Variants in RBBP8 observed in about 807,000 individuals in gnomAD.
RBBP8 encodes the protein RB binding protein 8, endonuclease.
In RBBP8, 88 loss-of-function variants were observed where a neutral mutation model predicts 108.3. The ratio of observed to expected loss-of-function variants is 0.81; its 90% CI spans 0.68 to 0.97. The LOEUF (loss-of-function observed/expected upper bound fraction) is 0.97. Ranked by LOEUF, RBBP8 falls within the 50% of genes least tolerant of loss-of-function variation. The pLI is 0.00. For missense variants in RBBP8, 1,023 were observed against 1,049.0 expected (o/e 0.98, Z 0.34); for synonymous variants, 332 against 348.2 (o/e 0.95, Z 0.52).
intron 1 of RBBP8, among the ~76,000 whole-genome samples, chr18:22,915,079 T>A (rs1183978249): frequency 6.6e-6 from 1 of 152,186 alleles, no homozygotes; most frequent in Non-Finnish European, 1.5e-5. Flanking sequence ...ATCCTACCCC[T>A]TTATTTACTG....
intron 15 of RBBP8, among the ~76,000 whole-genome samples, chr18:23,005,830 T>C (rs1598735621): frequency 6.6e-6 from 1 of 152,304 alleles, no homozygotes; most frequent in East Asian, 1.9e-4. Flanking sequence ...TTTAGCTGTC[T>C]AGTAATTTTG....
intron 16 of RBBP8, 47 bp from the exon 17 acceptor site, chr18:23,016,781 C>G: frequency 7.6e-7 from 1 of 1,311,090 alleles, no homozygotes; most frequent in Non-Finnish European, 1.1e-6. Flanking sequence ...GGGATTATTT[C>G]TCCTCTGAAC....
intron 15 of RBBP8, among the ~76,000 whole-genome samples, chr18:23,003,039 T>C (rs2045973937): frequency 6.6e-6 from 1 of 152,240 alleles, no homozygotes; most frequent in Non-Finnish European, 1.5e-5. Flanking sequence ...TCCCAGAATT[T>C]CTTCTCACTT....
chr18:22,940,759 G>A (rs572760858), intron 2 of RBBP8, among the ~76,000 whole-genome samples: 3 of 151,996 alleles, frequency 2.0e-5, no homozygotes, highest in Admixed American at 6.5e-5. Flanking sequence ...CAATCCTTCC[G>A]CTTCCACCTT....
chr18:23,022,645 A>ATAAATAAAG (rs1568010293), intron 18 of RBBP8, among the ~76,000 whole-genome samples: 1 of 45,092 alleles, frequency 2.2e-5, no homozygotes, highest in African/African-American at 5.7e-5. Flanking sequence ...AATAAATAAA[A>ATAAATAAAG]TACAATATAA....
chr18:22,984,477 T>C (rs1487909640), intron 7 of RBBP8, among the ~76,000 whole-genome samples: 2 of 152,188 alleles, frequency 1.3e-5, no homozygotes, highest in Non-Finnish European at 2.9e-5. Flanking sequence ...CTGGAACTTT[T>C]AGGCTCAAGA....
At chr18:22,962,260 T>C (rs187861091) in intron 4 of RBBP8, among the ~76,000 whole-genome samples, 2 of 152,258 alleles carry the variant, frequency 1.3e-5, no homozygotes, top group African/African-American at 4.8e-5. Flanking sequence ...TTTTCCTCTT[T>C]GCTTTACTCT....
chr18:22,924,167 T>C (rs1191781938), intron 3 of RBBP8, among the ~76,000 whole-genome samples: 1 of 136,230 alleles, frequency 7.3e-6, no homozygotes, highest in Non-Finnish European at 1.6e-5. Context: ...TCTCACTCTG[T>C]CATCAGGCTG....
intron 3 of RBBP8, chr18:22,920,894 G>C (rs915345635): frequency 6.6e-6 from 1 of 152,182 alleles, no homozygotes; most frequent in Admixed American, 6.5e-5. Context: ...ATGAGCAAGT[G>C]AGTGAATCTT....
chr18:22,969,840 T>C (rs1470817021), intron 5 of RBBP8, among the ~76,000 whole-genome samples: 1 of 152,214 alleles, frequency 6.6e-6, no homozygotes, highest in Non-Finnish European at 1.5e-5. Flanking sequence ...CTTTACATGT[T>C]AATATGTCTA....
intron 3 of RBBP8, among the ~76,000 whole-genome samples, chr18:22,926,458 G>T (rs575936805): frequency 1.3e-5 from 2 of 152,176 alleles, no homozygotes; most frequent in East Asian, 3.9e-4. Flanking sequence ...AAACCATTTT[G>T]CAAATAACAG....
chr18:22,995,171 G>A (rs1213775844), intron 12 of RBBP8, among the ~76,000 whole-genome samples: 1 of 151,900 alleles, frequency 6.6e-6, no homozygotes, highest in Non-Finnish European at 1.5e-5. Context: ...ACAGTCATTA[G>A]TTGTTTTTCC....
intron 4 of RBBP8, among the ~76,000 whole-genome samples, chr18:22,966,565 C>T (rs1913601410): frequency 8.7e-6 from 1 of 115,582 alleles, no homozygotes. Flanking sequence ...ATAGTGAGAC[C>T]CCATCTCATT....
intron 4 of RBBP8, among the ~76,000 whole-genome samples, chr18:22,958,160 T>C (rs1288174343): frequency 1.3e-5 from 2 of 152,242 alleles, no homozygotes; most frequent in African/African-American, 4.8e-5. Context: ...AGTTATCTTC[T>C]TTTCTATTAC....
At chr18:23,010,555 C>T (rs1005317448) in intron 16 of RBBP8, among the ~76,000 whole-genome samples, 5 of 152,010 alleles carry the variant, frequency 3.3e-5, no homozygotes, top group Non-Finnish European at 2.9e-5. Flanking sequence ...TATGATCACA[C>T]CACTGCACTC....
intron 8 of RBBP8, 125 bp from the exon 9 acceptor site, chr18:22,989,096 T>G (rs1915513931): frequency 7.6e-6 from 5 of 654,066 alleles, no homozygotes; most frequent in Admixed American, 2.8e-5. Context: ...TTAAAATGTG[T>G]CTAGTGCCAT....
exon 1 of RBBP8, chr18:22,914,303 A>C (rs576215199): frequency 1.3e-5 from 2 of 152,288 alleles, no homozygotes; most frequent in Non-Finnish European, 2.9e-5. Flanking sequence ...AAATAAGTCG[A>C]AGGGTAAGTA....
chr18:22,963,233 T>TC (rs1913269944), intron 4 of RBBP8, among the ~76,000 whole-genome samples: 1 of 152,116 alleles, frequency 6.6e-6, no homozygotes, highest in Non-Finnish European at 1.5e-5. Context: ...TTTTTTTTTC[T>TC]TTTTTCTGCT....
intron 14 of RBBP8, among the ~76,000 whole-genome samples, chr18:23,000,017 C>T (rs2045920837): frequency 6.6e-6 from 1 of 152,022 alleles, no homozygotes; most frequent in Non-Finnish European, 1.5e-5. Context: ...CAATAAATAT[C>T]AAGCAAAAAT....
Sources: gnomAD v4.1 joint callset for allele counts (sites outside exome capture counted in the v4.1 genomes callset) on GRCh38, gnomAD v4.1.1 for gene constraint, MANE v1.5 for transcripts, NCBI Gene and HGNC (gene_info 2026-07-23, HGNC 2026-07-21) for gene names.